ACSBG2: variants seen among roughly 807,000 people sequenced by gnomAD.
ACSBG2 encodes long-chain-fatty-acid--CoA ligase ACSBG2.
ACSBG2 carries 62 observed loss-of-function variants against 74.7 expected under a neutral mutation model. The ratio of observed to expected loss-of-function variants is 0.83; its 90% CI spans 0.68 to 1.03. The LOEUF is 1.03. ACSBG2 is among the 50% of genes least tolerant of loss of function. The pLI, the probability that ACSBG2 is intolerant of heterozygous loss-of-function variation, is 0.00. For synonymous variants in ACSBG2, 309 were observed against 294.1 expected, an observed-to-expected ratio of 1.05 and a Z score of -0.52; for missense variants, 730 against 817.6, an observed-to-expected ratio of 0.89 and a Z score of 1.31.
intron 14 of ACSBG2, chr19:6,191,809 C>G (rs531406970): frequency 6.6e-6 from 1 of 152,192 alleles, no homozygotes; most frequent in African/African-American, 2.4e-5. Flanking sequence ...CTGGTTTAAC[C>G]CTTCCACACC....
intron 7 of ACSBG2, among the ~76,000 whole-genome samples, chr19:6,167,449 A>G (rs1424330012): frequency 2.0e-5 from 3 of 152,220 alleles, no homozygotes; most frequent in African/African-American, 7.2e-5. Flanking sequence ...AGTGCTGTAT[A>G]GCAAGGTGTG....
At chr19:6,141,305 T>A (rs879196344) in intron 1 of ACSBG2, among the ~76,000 whole-genome samples, 2 of 152,090 alleles carry the variant, frequency 1.3e-5, no homozygotes, top group South Asian at 2.1e-4. Context: ...GACTCTTCTG[T>A]AAACTCACAG....
At position 6,187,315 on chromosome 19, in the gene ACSBG2, C is replaced by G. The variant is rs781480607; in HGVS notation, c.1573C>G (p.Pro525Ala). 2 of 1,614,106 alleles carry G rather than the reference C, an allele frequency of 1.2e-6. No homozygotes were observed. The highest frequency in any genetic ancestry group is 1.7e-5 in the Admixed American group (1 of 60,002). Residue 525 changes from proline to alanine, a missense_variant, in exon 12 of 15, where the codon CCC becomes GCC. Coordinates refer to ENST00000588485, the MANE Select transcript of ACSBG2 (RefSeq NM_030924.5). ...TATCACTGCTGGTGGTGAAAATGTG[C>G]CCCCCATTCCTGTTGAGACCTTGGT... ...ILITAGGENV[P>A]PIPVETLVKK...
intron 7 of ACSBG2, chr19:6,176,570 C>A: frequency 3.9e-6 from 1 of 257,418 alleles, no homozygotes; most frequent in South Asian, 7.1e-5. Context: ...AAGATCGGGG[C>A]ACTCACATAC....
intron 6 of ACSBG2, among the ~76,000 whole-genome samples, chr19:6,163,859 C>T (rs1034421992): frequency 4.7e-5 from 7 of 149,102 alleles, no homozygotes; most frequent in Non-Finnish European, 1.0e-4. Context: ...AAGAGGATCA[C>T]TTGAACCTGG....
intron 8 of ACSBG2, among the ~76,000 whole-genome samples, 176 bp downstream of exon 8, chr19:6,177,572 T>A (rs2090121452): frequency 6.6e-6 from 1 of 152,074 alleles, no homozygotes; most frequent in African/African-American, 2.4e-5. Flanking sequence ...CCAGGCACAG[T>A]GGCTCAATCT....
At chr19:6,190,818 C>CACACAT in intron 14 of ACSBG2, 126 bp downstream of exon 14, 1 of 489,218 alleles carries the variant, frequency 2.0e-6, no homozygotes. Flanking sequence ...TACATACACA[C>CACACAT]ACACACACAC....
intron 5 of ACSBG2, 61 bp downstream of exon 5, chr19:6,156,612 A>C (rs2089428932): frequency 6.9e-7 from 1 of 1,446,864 alleles, no homozygotes. Flanking sequence ...GGCTCTGGGC[A>C]GGTGTTCTTT....
At chr19:6,153,976 G>A (rs1850881950) in intron 4 of ACSBG2, among the ~76,000 whole-genome samples, 2 of 151,842 alleles carry the variant, frequency 1.3e-5, no homozygotes, top group Admixed American at 1.3e-4. Flanking sequence ...AAAATTGAGG[G>A]TGGTGACTAG....
chr19:6,148,693 T>C (rs2089131914), intron 3 of ACSBG2, among the ~76,000 whole-genome samples: 1 of 151,900 alleles, frequency 6.6e-6, no homozygotes, highest in South Asian at 2.1e-4. Context: ...GGGTTTCTTC[T>C]TGGGGGCCCC....
chr19:6,143,898 C>T (rs187417390), intron 2 of ACSBG2, among the ~76,000 whole-genome samples: 2 of 152,280 alleles, frequency 1.3e-5, no homozygotes, highest in African/African-American at 4.8e-5. Flanking sequence ...GTCCTAACCC[C>T]CAGGTGCTCA....
intron 10 of ACSBG2, among the ~76,000 whole-genome samples, chr19:6,184,476 G>A (rs776460091): frequency 1.4e-4 from 21 of 151,468 alleles, no homozygotes; most frequent in Non-Finnish European, 2.8e-4. Context: ...TTTTTCTTTT[G>A]CTAACCAGGG....
chr19:6,176,992 CAAAAAAAGTTAA>C (rs2090105166), intron 7 of ACSBG2, among the ~76,000 whole-genome samples: 1 of 151,412 alleles, frequency 6.6e-6, no homozygotes, highest in African/African-American at 2.4e-5. Context: ...CCCCTCTCTA[CAAAAAAAGTTAA>C]AAAAAAATTA....
intron 11 of ACSBG2, among the ~76,000 whole-genome samples, chr19:6,185,932 A>C (rs1405817599): frequency 1.3e-5 from 2 of 152,222 alleles, no homozygotes; most frequent in Non-Finnish European, 2.9e-5. Flanking sequence ...GCACCAGCCC[A>C]GAGGAAAACT....
intron 2 of ACSBG2, among the ~76,000 whole-genome samples, chr19:6,143,580 A>G (rs1467221515): frequency 6.6e-6 from 1 of 151,578 alleles, no homozygotes; most frequent in African/African-American, 2.4e-5. Context: ...CATGTAACCC[A>G]CTACAGTCAT....
At chr19:6,187,207 G>C in intron 11 of ACSBG2, 76 bp from the exon 12 acceptor site, 2 of 1,592,284 alleles carry the variant, frequency 1.3e-6, no homozygotes, top group South Asian at 2.3e-5. Context: ...GTTTCACCAT[G>C]TTGGCCAGGC....
intron 11 of ACSBG2, among the ~76,000 whole-genome samples, chr19:6,187,021 T>G (rs2090427020): frequency 6.8e-6 from 1 of 148,054 alleles, no homozygotes; most frequent in Admixed American, 6.7e-5. Flanking sequence ...TTTTTTTTTT[T>G]GAGATGGTGT....
In ACSBG2 at chr19:6,156,551, G is replaced by A. The variant is rs199564630; in HGVS notation, c.507G>A (p.Ser169=). The A allele has an allele frequency of 5.9e-5, 92 of 1,569,022 alleles. No homozygotes were observed. Among genetic ancestry groups the A allele is most frequent in the Admixed American group, 1.3e-4 (7 of 54,056 alleles). The stretch of plus-strand genomic sequence containing the variant: ...ATCAACAGTTACAGAAAATCCTTTC[G>A]GTAAACCCCTACCCAGCACTGCCTG... ...ENDQQLQKIL[S]IPQSSLEPLK... Residue 169 remains serine, a splice_region_variant and synonymous_variant, in exon 5 of 15, where the codon TCG becomes TCA. Transcript: ENST00000588485.
intron 14 of ACSBG2, 120 bp downstream of exon 14, chr19:6,190,812 T>TACACACACACACACACACAC (rs58730661): frequency 9.2e-5 from 31 of 336,820 alleles, no homozygotes; most frequent in Middle Eastern, 1.0e-3. Context: ...CACACATACA[T>TACACACACACACACACACAC]ACACACACAC....
Sources: gnomAD v4.1 joint callset for allele counts (sites outside exome capture counted in the v4.1 genomes callset) on GRCh38, gnomAD v4.1.1 for gene constraint, MANE v1.5 for transcripts, NCBI Gene and HGNC (gene_info 2026-07-23, HGNC 2026-07-21) for gene names.